DRC11: variants seen among roughly 807,000 people sequenced by gnomAD.
DRC11 encodes the protein IQ and AAA domain-containing protein 1.
At chr2:236,331,756 A>T in the DRC11 span, 1 of 616,228 alleles carries the variant, frequency 1.6e-6, no homozygotes, top group Non-Finnish European at 2.8e-6. This position sits in a 1 kb window ranked among gnomAD's most constrained non-coding sequence, Gnocchi z 4.8. Flanking sequence ...AAGTAACTAA[A>T]TGCTTTCCTC....
the DRC11 span, chr2:236,364,051 A>C: frequency 7.3e-7 from 1 of 1,371,442 alleles, no homozygotes; most frequent in African/African-American, 1.4e-5. Flanking sequence ...AGGATAACTC[A>C]AGGTCAAAAC....
At chr2:236,415,588 C>T in the DRC11 span, among the ~76,000 whole-genome samples, 1 of 152,156 alleles carries the variant, frequency 6.6e-6, no homozygotes, top group Non-Finnish European at 1.5e-5. The surrounding 1 kb of genome is among the most constrained non-coding windows in gnomAD (Gnocchi z 5.7). Context: ...ATCACATTGT[C>T]ACTATGCAGA....
chr2:236,467,338 T>C, the DRC11 span, among the ~76,000 whole-genome samples: 1 of 152,208 alleles, frequency 6.6e-6, no homozygotes, highest in Admixed American at 6.5e-5. Flanking sequence ...ATTTTCCATT[T>C]GTCTATTTGC....
the DRC11 span, among the ~76,000 whole-genome samples, chr2:236,358,350 CTA>C: frequency 7.8e-6 from 1 of 129,026 alleles, no homozygotes; most frequent in Non-Finnish European, 1.6e-5. Context: ...TAGATATATA[CTA>C]TATGAATATA....
chr2:236,453,679 G>A, the DRC11 span, among the ~76,000 whole-genome samples: 1 of 151,486 alleles, frequency 6.6e-6, no homozygotes, highest in South Asian at 2.1e-4. The surrounding 1 kb of genome is among the most constrained non-coding windows in gnomAD (Gnocchi z 4.9). Context: ...TCACTCTGTC[G>A]CCCAGGCTGG....
the DRC11 span, among the ~76,000 whole-genome samples, chr2:236,342,352 G>C: frequency 6.6e-6 from 1 of 152,214 alleles, no homozygotes. The surrounding 1 kb of genome is among the most constrained non-coding windows in gnomAD (Gnocchi z 5.8). Flanking sequence ...TGAGGAGCAG[G>C]TTACGATGCC....
chr2:236,472,361 C>A, the DRC11 span, among the ~76,000 whole-genome samples: 8 of 152,176 alleles, frequency 5.3e-5, no homozygotes, highest in Admixed American at 5.2e-4. This position sits in a 1 kb window ranked among gnomAD's most constrained non-coding sequence, Gnocchi z 4.6. Flanking sequence ...GAGATTTAAA[C>A]CCTATGGGCT....
chr2:236,374,743 T>C, the DRC11 span, among the ~76,000 whole-genome samples: 1 of 151,980 alleles, frequency 6.6e-6, no homozygotes, highest in Non-Finnish European at 1.5e-5. Flanking sequence ...CAGGCTGGAG[T>C]GCAATGGCGT....
At chr2:236,368,917 G>A in the DRC11 span, 1 of 152,256 alleles carries the variant, frequency 6.6e-6, no homozygotes, top group South Asian at 2.1e-4. Flanking sequence ...TTAATTAGAA[G>A]ATATCAAAGG....
At chr2:236,357,634 TA>T in the DRC11 span, among the ~76,000 whole-genome samples, 96 of 106,010 alleles carry the variant, frequency 9.1e-4, no homozygotes, top group African/African-American at 3.7e-3. Context: ...AATATGCATA[TA>T]ATATGTAAAT....
At chr2:236,502,582 A>T in the DRC11 span, among the ~76,000 whole-genome samples, 2 of 140,132 alleles carry the variant, frequency 1.4e-5, no homozygotes, top group South Asian at 4.6e-4. Flanking sequence ...AAAAAAAAAT[A>T]CAGCAAAATT....
chr2:236,385,457 CTGTT>C, the DRC11 span, among the ~76,000 whole-genome samples: 1 of 135,950 alleles, frequency 7.4e-6, no homozygotes, highest in African/African-American at 2.8e-5. Context: ...ATTTGGCTCT[CTGTT>C]TGTCTGTTGT....
the DRC11 span, among the ~76,000 whole-genome samples, chr2:236,328,186 T>G: frequency 1.3e-5 from 2 of 152,214 alleles, no homozygotes; most frequent in Admixed American, 6.5e-5. The surrounding 1 kb of genome is among the most constrained non-coding windows in gnomAD (Gnocchi z 6.7). Context: ...TATTATGAAC[T>G]CATCTTTAGC....
At chr2:236,493,686 G>A in the DRC11 span, 1 of 1,105,494 alleles carries the variant, frequency 9.0e-7, no homozygotes, top group Non-Finnish European at 1.3e-6. Context: ...AATAATCTAA[G>A]TGTTGCTCAC....
At chr2:236,368,249 C>A in the DRC11 span, 22 of 1,610,950 alleles carry the variant, frequency 1.4e-5, no homozygotes, top group Non-Finnish European at 1.7e-5. Context: ...GGAGGGAGGG[C>A]ATGGGTTCTA....
At chr2:236,357,744 GTAAATATA>G in the DRC11 span, among the ~76,000 whole-genome samples, 2 of 123,466 alleles carry the variant, frequency 1.6e-5, no homozygotes, top group African/African-American at 3.3e-5. Flanking sequence ...CATATAATAT[GTAAATATA>G]TAAATATACA....
the DRC11 span, among the ~76,000 whole-genome samples, chr2:236,486,375 G>A: frequency 6.6e-6 from 1 of 152,064 alleles, no homozygotes; most frequent in South Asian, 2.1e-4. This position sits in a 1 kb window ranked among gnomAD's most constrained non-coding sequence, Gnocchi z 5.7. Flanking sequence ...CAACAAATTG[G>A]TGTTTTAAGC....
the DRC11 span, among the ~76,000 whole-genome samples, chr2:236,379,187 T>C: frequency 6.6e-6 from 1 of 151,844 alleles, no homozygotes; most frequent in Non-Finnish European, 1.5e-5. Context: ...TTGGGGAGAG[T>C]AATGCTGGGA....
chr2:236,441,791 G>A, the DRC11 span, among the ~76,000 whole-genome samples: 1 of 152,144 alleles, frequency 6.6e-6, no homozygotes, highest in African/African-American at 2.4e-5. Flanking sequence ...AGAATCTGAG[G>A]TTTAGAGGTG....
Sources: gnomAD v4.1 joint callset for allele counts (sites outside exome capture counted in the v4.1 genomes callset) on GRCh38, gnomAD v4.1.1 for gene constraint, Gnocchi (gnomAD v3.1) non-coding constraint, MANE v1.5 for transcripts, NCBI Gene and HGNC (gene_info 2026-07-23, HGNC 2026-07-21) for gene names.